AGMO: variants seen among roughly 807,000 people sequenced by gnomAD.
The protein encoded by AGMO is glyceryl-ether monooxygenase.
AGMO carries 75 observed loss-of-function variants against 60.2 expected under a neutral mutation model. That is an observed-to-expected ratio of 1.25 (90% confidence interval 1.03 to 1.51). The LOEUF is 1.51. AGMO is among the 40% of genes most tolerant of loss of function. The probability of loss-of-function intolerance (pLI) is 0.00; values close to 1 mark genes in which losing one functional copy is unlikely to be tolerated. For synonymous variants in AGMO, 261 were observed against 177.1 expected (o/e 1.47, Z -3.76); for missense variants, 763 against 525.5 (o/e 1.45, Z -4.42).
At chr7:15,293,749 T>G (rs144718040) in intron 12 of AGMO, among the ~76,000 whole-genome samples, 138 of 152,316 alleles carry the variant, frequency 9.1e-4, no homozygotes, top group African/African-American at 3.2e-3. Flanking sequence ...CTCGGCCTTT[T>G]TGCCAGTGAG....
chr7:15,348,407 G>T (rs918894703), intron 12 of AGMO, among the ~76,000 whole-genome samples: 2 of 151,928 alleles, frequency 1.3e-5, no homozygotes, highest in Admixed American at 6.6e-5. Flanking sequence ...GAAAAAAGAA[G>T]CCAGAAAAAT....
At chr7:15,179,809 T>C in the AGMO span, among the ~76,000 whole-genome samples, 4 of 152,278 alleles carry the variant, frequency 2.6e-5, no homozygotes, top group Non-Finnish European at 5.9e-5. Flanking sequence ...AGCCTTTCCA[T>C]TCTGTAAGCT....
At chr7:15,462,367 G>A (rs1401499257) in intron 3 of AGMO, among the ~76,000 whole-genome samples, 1 of 152,056 alleles carries the variant, frequency 6.6e-6, no homozygotes, top group African/African-American at 2.4e-5. Context: ...TTGTTTGATT[G>A]CATATAAATC....
chr7:15,445,602 A>G (rs2128503629), intron 3 of AGMO, among the ~76,000 whole-genome samples: 1 of 152,276 alleles, frequency 6.6e-6, no homozygotes, highest in African/African-American at 2.4e-5. Flanking sequence ...ATCATTTTTG[A>G]TACACTTTTG....
intron 12 of AGMO, among the ~76,000 whole-genome samples, chr7:15,243,648 G>C (rs1230717331): frequency 6.6e-6 from 1 of 152,086 alleles, no homozygotes; most frequent in African/African-American, 2.4e-5. Flanking sequence ...AATATTTTAA[G>C]TAGTAATATA....
At chr7:15,339,933 A>G (rs574329026) in intron 12 of AGMO, among the ~76,000 whole-genome samples, 1 of 152,354 alleles carries the variant, frequency 6.6e-6, no homozygotes, top group Non-Finnish European at 1.5e-5. Flanking sequence ...TACATTTATA[A>G]TTCAGCCCAT....
In AGMO at chr7:15,547,993, A is replaced by G. The variant is rs186611473; in HGVS notation, c.258-3070T>C. On this transcript the variant is annotated intron_variant, in intron 2 of 12. Coordinates refer to ENST00000342526, the MANE Select transcript of AGMO (RefSeq NM_001004320.2). ...TGAGAACAGGCAGACTGCCTCCTCAAGTGGGTCCCTGACCCCTGACACCGG... is the reference window on the plus strand; with the variant it reads ...TGAGAACAGGCAGACTGCCTCCTCAGGTGGGTCCCTGACCCCTGACACCGG... 6.3e-3 allele frequency among the ~76,000 whole-genome samples: 918 copies of G among 146,880 alleles called. 9 individuals are homozygous for G. The highest frequency in any genetic ancestry group is 0.021 in the African/African-American group (853 of 41,136).
intron 12 of AGMO, among the ~76,000 whole-genome samples, chr7:15,338,873 A>G (rs1781744563): frequency 1.3e-5 from 2 of 152,208 alleles, no homozygotes; most frequent in African/African-American, 4.8e-5. Context: ...TTATATGTTT[A>G]ACTGTAAAAT....
At chr7:15,411,487 G>T (rs1780603305) in intron 5 of AGMO, among the ~76,000 whole-genome samples, 1 of 151,938 alleles carries the variant, frequency 6.6e-6, no homozygotes, top group Non-Finnish European at 1.5e-5. Flanking sequence ...TTACATTAAT[G>T]AAATGATTTA....
At chr7:15,269,400 A>G (rs1783528098) in intron 12 of AGMO, among the ~76,000 whole-genome samples, 1 of 152,072 alleles carries the variant, frequency 6.6e-6, no homozygotes. Flanking sequence ...ACATGAGAAC[A>G]ATGATGGACA....
chr7:15,322,557 A>T lies in AGMO; in HGVS notation c.1263+42957T>A, dbSNP rs1370928336. Among the ~76,000 whole-genome samples the T allele has an allele frequency of 1.9e-3, 82 of 44,190 alleles. 3 individuals are homozygous for T. Among genetic ancestry groups the T allele is most frequent in the African/African-American group, 0.011 (79 of 7,130 alleles). 29.0% of individuals were successfully genotyped at this position (44,190 alleles called of 152,430 possible). A position where few individuals can be genotyped will look rare whatever the true frequency, so the allele number is the denominator to read the frequency against. On this transcript the variant is annotated intron_variant, in intron 12 of 12. Coordinates refer to ENST00000342526, the MANE Select transcript of AGMO (RefSeq NM_001004320.2). ...ATAAATATATATATAAATATATATA[A>T]ATATATAAATATATATAAATATATA...
chr7:15,383,995 G>C (rs1485401469), intron 10 of AGMO, among the ~76,000 whole-genome samples: 1 of 152,030 alleles, frequency 6.6e-6, no homozygotes, highest in Non-Finnish European at 1.5e-5. Flanking sequence ...GAGTGCAGTG[G>C]CGCGATCTCG....
chr7:15,392,745 G>C (rs1784197085), intron 6 of AGMO, among the ~76,000 whole-genome samples: 1 of 152,124 alleles, frequency 6.6e-6, no homozygotes, highest in Non-Finnish European at 1.5e-5. Flanking sequence ...GTTGCAGTGA[G>C]CCCAGATTGT....
chr7:15,343,055 G>C (rs1334516985), intron 12 of AGMO, among the ~76,000 whole-genome samples: 2 of 151,880 alleles, frequency 1.3e-5, no homozygotes, highest in East Asian at 3.9e-4. Context: ...TTATACAAGT[G>C]GAAAACCTTA....
chr7:15,146,065 C>T, the AGMO span, among the ~76,000 whole-genome samples: 1 of 151,958 alleles, frequency 6.6e-6, no homozygotes, highest in Admixed American at 6.6e-5. Flanking sequence ...TAAAAACTAA[C>T]GAAACAGATC....
intron 12 of AGMO, among the ~76,000 whole-genome samples, chr7:15,322,736 A>C (rs1454825390): frequency 7.8e-6 from 1 of 127,510 alleles, no homozygotes; most frequent in East Asian, 2.1e-4. Flanking sequence ...ATATATATAA[A>C]TATATAAATA....
intron 3 of AGMO, among the ~76,000 whole-genome samples, chr7:15,505,833 T>C (rs1562541369): frequency 6.6e-6 from 1 of 152,032 alleles, no homozygotes; most frequent in Non-Finnish European, 1.5e-5. Flanking sequence ...ATTTCTGTTT[T>C]TAAGAAAAAA....
chr7:15,368,252 G>A (rs964923735), intron 10 of AGMO, among the ~76,000 whole-genome samples: 48 of 150,450 alleles, frequency 3.2e-4, no homozygotes, highest in Non-Finnish European at 6.1e-4. Context: ...TGTGAAGGTC[G>A]GCGATGTCCA....
intron 3 of AGMO, among the ~76,000 whole-genome samples, chr7:15,534,920 C>T (rs1286199237): frequency 6.6e-6 from 1 of 151,728 alleles, no homozygotes; most frequent in Non-Finnish European, 1.5e-5. Context: ...ATATATAATA[C>T]ATTACATAAA....
Sources: allele counts gnomAD v4.1 joint callset (sites outside exome capture counted in the v4.1 genomes callset), GRCh38; gene constraint gnomAD v4.1.1; transcripts MANE v1.5; gene names NCBI Gene and HGNC (gene_info 2026-07-23, HGNC 2026-07-21).